The following NDUFAF6 variants were observed in gnomAD, a reference collection of about 807,000 sequenced individuals.
The protein encoded by NDUFAF6 is NADH dehydrogenase (ubiquinone) complex I, assembly factor 6.
Under a neutral mutation model 40.8 loss-of-function variants are expected in NDUFAF6, and 45 were observed. The ratio of observed to expected loss-of-function variants is 1.10; its 90% CI spans 0.87 to 1.42. The LOEUF (loss-of-function observed/expected upper bound fraction) is 1.42, where lower values mean the gene tolerates loss of function less well. Ranked by LOEUF, NDUFAF6 falls within the 40% of genes most tolerant of loss-of-function variation. NDUFAF6 has a pLI of 0.00. For synonymous variants in NDUFAF6, 185 were observed against 155.9 expected, an observed-to-expected ratio of 1.19 and a Z score of -1.39; for missense variants, 435 against 418.5, an observed-to-expected ratio of 1.04 and a Z score of -0.34.
chr8:94,937,320 A>G (rs1324097230), intron 1 of NDUFAF6, among the ~76,000 whole-genome samples: 1 of 151,978 alleles, frequency 6.6e-6, no homozygotes, highest in Non-Finnish European at 1.5e-5. Context: ...GGGCGCCTGT[A>G]ATCCCAGCTA....
upstream of NDUFAF6, among the ~76,000 whole-genome samples, chr8:94,955,241 G>C (rs571039377): frequency 2.0e-5 from 3 of 152,318 alleles, no homozygotes; most frequent in South Asian, 2.1e-4. Context: ...CTGAGAATGG[G>C]TAACTCATAA....
At chr8:94,979,832 C>T (rs1197167068) in intron 1 of NDUFAF6, among the ~76,000 whole-genome samples, 2 of 152,316 alleles carry the variant, frequency 1.3e-5, no homozygotes, top group East Asian at 1.9e-4. Flanking sequence ...CCATGGCTTA[C>T]GCCTGTAATC....
intron 1 of NDUFAF6, chr8:94,896,777 G>A (rs1461371149): frequency 3.3e-5 from 5 of 152,138 alleles, no homozygotes; most frequent in Admixed American, 2.6e-4. Context: ...CTTGAGGCCC[G>A]GGAAATAGCC....
intron 4 of NDUFAF6, among the ~76,000 whole-genome samples, chr8:95,115,008 G>C (rs564618133): frequency 6.6e-6 from 1 of 151,560 alleles, no homozygotes; most frequent in African/African-American, 2.4e-5. Context: ...GTTGCAGTGA[G>C]CTGAGATCAC....
At chr8:95,000,898 T>C (rs999152898) in intron 2 of NDUFAF6, among the ~76,000 whole-genome samples, 2 of 151,756 alleles carry the variant, frequency 1.3e-5, no homozygotes, top group African/African-American at 4.8e-5. Flanking sequence ...GATTGCACCA[T>C]TGCACTCCAG....
chr8:95,062,739 T>G (rs1240547072), downstream of NDUFAF6, among the ~76,000 whole-genome samples: 1 of 152,220 alleles, frequency 6.6e-6, no homozygotes, highest in Non-Finnish European at 1.5e-5. Flanking sequence ...AGTTAGACAT[T>G]TCTCCCTCAC....
chr8:95,036,271 A>G, intron 3 of NDUFAF6: 22 of 1,252,102 alleles, frequency 1.8e-5, no homozygotes, highest in Non-Finnish European at 2.3e-5. Context: ...GATACCTTTC[A>G]TCACTGATCT....
At chr8:95,104,879 C>G (rs946363740), downstream of NDUFAF6, among the ~76,000 whole-genome samples, 2 of 152,030 alleles carry the variant, frequency 1.3e-5, no homozygotes, top group Non-Finnish European at 2.9e-5. Flanking sequence ...GCTGCGGCAG[C>G]CAGAGTTTCT....
intron 5 of NDUFAF6, 128 bp from the exon 6 acceptor site, chr8:95,046,866 C>T (rs766585234): frequency 1.6e-6 from 2 of 1,276,566 alleles, no homozygotes; most frequent in Non-Finnish European, 2.2e-6. Flanking sequence ...ACTCATAAAT[C>T]CTGTTTTTCA....
chr8:95,060,828 A>T (rs1832553803), downstream of NDUFAF6, among the ~76,000 whole-genome samples: 2 of 152,254 alleles, frequency 1.3e-5, no homozygotes, highest in Non-Finnish European at 2.9e-5. Context: ...TAAATTTCAG[A>T]TACAAATTAG....
At chr8:94,961,140 A>C (rs1823537339) in intron 1 of NDUFAF6, among the ~76,000 whole-genome samples, 1 of 152,264 alleles carries the variant, frequency 6.6e-6, no homozygotes, top group South Asian at 2.1e-4. Flanking sequence ...GGTCCCAATT[A>C]GAAAATTTTT....
chr8:94,990,237 G>A (rs1208221222), intron 2 of NDUFAF6, among the ~76,000 whole-genome samples: 1 of 152,184 alleles, frequency 6.6e-6, no homozygotes, highest in African/African-American at 2.4e-5. Context: ...ATATAAGGTG[G>A]TTTGGAATTA....
intron 2 of NDUFAF6, among the ~76,000 whole-genome samples, chr8:95,092,203 T>C (rs1809274499): frequency 7.6e-6 from 1 of 131,082 alleles, no homozygotes; most frequent in Admixed American, 8.1e-5. Flanking sequence ...TTTTTTGAAA[T>C]GGGACTCTCA....
At chr8:94,950,828 G>A (rs976397270) in intron 2 of NDUFAF6, 5 of 152,122 alleles carry the variant, frequency 3.3e-5, no homozygotes, top group Admixed American at 3.3e-4. Flanking sequence ...ACAATTACAA[G>A]GGGCTAATTT....
At chr8:95,073,118 G>T (rs1563853761) in intron 9 of NDUFAF6, 1 of 152,690 alleles carries the variant, frequency 6.5e-6, no homozygotes. Context: ...GAATAGACGC[G>T]CTGAGGGCTA....
chr8:95,095,027 A>G (rs892686171), intron 2 of NDUFAF6, among the ~76,000 whole-genome samples: 1 of 150,718 alleles, frequency 6.6e-6, no homozygotes, highest in African/African-American at 2.4e-5. Flanking sequence ...TCAGCCTCCC[A>G]AAGTGAGGTG....
At chr8:94,949,135 G>GCC (rs561010086) in intron 2 of NDUFAF6, 7,009 of 145,818 alleles carry the variant, frequency 0.048, 203 homozygotes, top group Non-Finnish European at 0.06. Context: ...ACGCCCGCCC[G>GCC]CCCCCCCCCG....
chr8:94,906,485 G>T (rs1325712770), intron 1 of NDUFAF6, among the ~76,000 whole-genome samples: 1 of 152,146 alleles, frequency 6.6e-6, no homozygotes, highest in East Asian at 1.9e-4. Context: ...GTTGATTGTG[G>T]TGCCCTTTCC....
rs112347308 is a variant in NDUFAF6 at position 95,072,798 on chromosome 8, A to C, written c.*512-2835A>C. 6.6e-3 allele frequency: 1,024 copies of C among 154,710 alleles called. 8 individuals are homozygous for C. The highest frequency in any genetic ancestry group is 0.023 in the African/African-American group (973 of 41,646). The allele number at this position is 154,710 out of a possible 1,614,324, so 9.6% of individuals were successfully genotyped here. On this transcript the variant is annotated intron_variant and NMD_transcript_variant, in intron 9 of 9. Transcript: ENST00000520757. ...CTGGATGAGAAAGTCCCAAAGTTCTATCATTGAAGGAGCAGCACAAGAGTG... is the reference window on the plus strand; with the variant it reads ...CTGGATGAGAAAGTCCCAAAGTTCTCTCATTGAAGGAGCAGCACAAGAGTG...
Sources: allele counts gnomAD v4.1 joint callset (sites outside exome capture counted in the v4.1 genomes callset), GRCh38; gene constraint gnomAD v4.1.1; transcripts MANE v1.5; gene names NCBI Gene and HGNC (gene_info 2026-07-23, HGNC 2026-07-21).